Variants in OPHN1 observed in about 807,000 individuals in gnomAD.
OPHN1 encodes oligophrenin 1.
A neutral mutation model predicts 60.7 loss-of-function variants in OPHN1; 11 were observed. The ratio of observed to expected loss-of-function variants is 0.18; its 90% CI spans 0.11 to 0.30. OPHN1 has a LOEUF of 0.30. Ranked by LOEUF, OPHN1 falls within the 10% of genes least tolerant of loss-of-function variation. The pLI is 1.00. For synonymous variants in OPHN1, 226 were observed against 222.6 expected, an observed-to-expected ratio of 1.02 and a Z score of -0.14; for missense variants, 449 against 611.0, an observed-to-expected ratio of 0.73 and a Z score of 2.80.
intron 20 of OPHN1, chrX:68,070,786 CAAGTGA>C: frequency 4.3e-6 from 5 of 1,159,359 alleles, no homozygotes; most frequent in Non-Finnish European, 4.7e-6. Context: ...CTGCTTAGCC[CAAGTGA>C]CAGTCTCAGC....
intron 15 of OPHN1, among the ~76,000 whole-genome samples, chrX:68,146,577 A>C (rs781304516): frequency 8.9e-5 from 10 of 112,539 alleles, no homozygotes; most frequent in African/African-American, 1.3e-4. Flanking sequence ...CCAAATTTAA[A>C]AGTATCCTGG....
chrX:68,087,488 C>A (rs1330472325), intron 19 of OPHN1, among the ~76,000 whole-genome samples: 1 of 111,277 alleles, frequency 9.0e-6, no homozygotes, highest in Non-Finnish European at 1.9e-5. Context: ...TATTAACCCC[C>A]TTACGGATTC....
At chrX:68,238,129 G>A (rs377415897) in intron 5 of OPHN1, among the ~76,000 whole-genome samples, 3 of 111,420 alleles carry the variant, frequency 2.7e-5, no homozygotes, top group South Asian at 3.8e-4. Context: ...CCCTTCATCC[G>A]CCTGGAATTC....
At chrX:68,101,263 A>G (rs1396142530) in intron 18 of OPHN1, among the ~76,000 whole-genome samples, 1 of 112,464 alleles carries the variant, frequency 8.9e-6, no homozygotes, top group Non-Finnish European at 1.9e-5. Context: ...TAAATAGAAA[A>G]TAAACTCAAC....
At chrX:68,068,564 C>T (rs181259314) in intron 20 of OPHN1, among the ~76,000 whole-genome samples, 186 of 105,745 alleles carry the variant, frequency 1.8e-3, no homozygotes, top group African/African-American at 6.2e-3. Flanking sequence ...ATATAACCTA[C>T]AATTCCAGTC....
At chrX:68,206,497 C>G in intron 10 of OPHN1, 76 bp downstream of exon 10, 1 of 744,118 alleles carries the variant, frequency 1.3e-6, no homozygotes, top group Non-Finnish European at 2.1e-6. Context: ...TGATTTGATA[C>G]TAGGTCAACA....
At chrX:68,053,843 G>A in intron 21 of OPHN1, 33 bp from the exon 22 acceptor site, 4 of 1,197,507 alleles carry the variant, frequency 3.3e-6, no homozygotes, top group Non-Finnish European at 4.5e-6. Flanking sequence ...GAACTTGGAT[G>A]GTTAGCCAAA....
At chrX:68,406,956 C>A (rs1031167455) in intron 2 of OPHN1, among the ~76,000 whole-genome samples, 1 of 112,522 alleles carries the variant, frequency 8.9e-6, no homozygotes, top group Non-Finnish European at 1.9e-5. Flanking sequence ...GTAATCCCAG[C>A]ACTTTGGGAG....
intron 6 of OPHN1, 24 bp downstream of exon 6, chrX:68,234,463 C>G: frequency 9.1e-7 from 1 of 1,098,075 alleles, no homozygotes; most frequent in African/African-American, 1.8e-5. Flanking sequence ...CAATGGAAGG[C>G]AGGGGCAGGC....
chrX:68,206,800 C>A, intron 9 of OPHN1, 127 bp from the exon 10 acceptor site: 1 of 525,983 alleles, frequency 1.9e-6, no homozygotes, highest in Non-Finnish European at 3.3e-6. Flanking sequence ...CCTGCCCTTG[C>A]CCTGACCGCC....
intron 2 of OPHN1, among the ~76,000 whole-genome samples, chrX:68,399,781 A>C (rs1469036685): frequency 9.1e-6 from 1 of 110,357 alleles, no homozygotes; most frequent in Non-Finnish European, 1.9e-5. Flanking sequence ...CAACTACTCC[A>C]TACCTTCCAA....
chrX:68,054,679 A>G (rs1043528742), intron 21 of OPHN1, among the ~76,000 whole-genome samples: 2 of 112,061 alleles, frequency 1.8e-5, no homozygotes, highest in Non-Finnish European at 3.8e-5. Flanking sequence ...AAACAATTCA[A>G]TTCATACAAG....
Position 68,206,923 on chromosome X carries a change from A to G in OPHN1, c.833-250T>C, listed in dbSNP as rs566486906. Among the ~76,000 whole-genome samples the G allele has an allele frequency of 1.5e-3, 165 of 110,534 alleles. 6 individuals are homozygous for G. The South Asian group carries it at 0.056, about 37-fold the overall frequency. On this transcript the variant is annotated intron_variant, in intron 9 of 24. Coordinates refer to ENST00000355520, the MANE Select transcript of OPHN1 (RefSeq NM_002547.3). ...ACCTACTCTCCCTGCCATGTTCCCT[A>G]TAAATTGTATCACCATATATCCCAG...
intron 2 of OPHN1, among the ~76,000 whole-genome samples, chrX:68,425,703 A>G (rs1421855447): frequency 5.5e-5 from 6 of 110,030 alleles, no homozygotes; most frequent in Admixed American, 9.7e-5. Context: ...TATTAAAACT[A>G]TAGAATTATT....
chrX:68,190,607 G>A (rs374782895), intron 15 of OPHN1, among the ~76,000 whole-genome samples: 9 of 111,806 alleles, frequency 8.0e-5, no homozygotes, highest in East Asian at 2.8e-4. Context: ...TTCTACTGCC[G>A]TGTGTGATTT....
intron 2 of OPHN1, among the ~76,000 whole-genome samples, chrX:68,427,037 A>C (rs747828981): frequency 3.1e-4 from 32 of 102,129 alleles, no homozygotes; most frequent in African/African-American, 8.8e-4. Context: ...AGATCACTTG[A>C]GGTCGAGAGT....
At chrX:68,412,176 C>T (rs1435618523) in intron 2 of OPHN1, among the ~76,000 whole-genome samples, 1 of 111,648 alleles carries the variant, frequency 9.0e-6, no homozygotes, top group Non-Finnish European at 1.9e-5. Flanking sequence ...CAGAAAAAAA[C>T]CTGGCTATAT....
chrX:68,237,173 C>T (rs1419832087), intron 5 of OPHN1, among the ~76,000 whole-genome samples: 6 of 111,919 alleles, frequency 5.4e-5, no homozygotes, highest in Non-Finnish European at 7.5e-5. Flanking sequence ...TTAGTAGACA[C>T]GGGGTTTCAC....
chrX:68,337,529 T>G (rs1034876885), intron 2 of OPHN1, among the ~76,000 whole-genome samples: 2 of 110,704 alleles, frequency 1.8e-5, no homozygotes, highest in African/African-American at 6.6e-5. Context: ...TAATTTTTGG[T>G]TTTTTTTCTA....
Sources: allele counts gnomAD v4.1 joint callset (sites outside exome capture counted in the v4.1 genomes callset), GRCh38; gene constraint gnomAD v4.1.1; transcripts MANE v1.5; gene names NCBI Gene and HGNC (gene_info 2026-07-23, HGNC 2026-07-21).